The following CYB5B variants were observed in gnomAD, a reference collection of about 807,000 sequenced individuals.
CYB5B encodes the protein cytochrome b5 type B (outer mitochondrial membrane).
A neutral mutation model predicts 21.3 loss-of-function variants in CYB5B; 14 were observed. That is an observed-to-expected ratio of 0.66 (90% CI 0.43 to 1.03). The LOEUF (loss-of-function observed/expected upper bound fraction) is 1.03, where lower values mean the gene tolerates loss of function less well. CYB5B is among the 50% of genes least tolerant of loss of function. CYB5B has a pLI of 0.00. For synonymous variants in CYB5B, 69 were observed against 68.4 expected, an observed-to-expected ratio of 1.01 and a Z score of -0.04; for missense variants, 166 against 185.1, an observed-to-expected ratio of 0.90 and a Z score of 0.60.
chr16:69,446,729 G>A (rs936289376), intron 1 of CYB5B, among the ~76,000 whole-genome samples: 1 of 152,210 alleles, frequency 6.6e-6, no homozygotes, highest in African/African-American at 2.4e-5. Flanking sequence ...TCAGGTTTCT[G>A]CAGCTATCTC....
At chr16:69,449,832 T>C (rs919247304) in intron 3 of CYB5B, 3 of 152,242 alleles carry the variant, frequency 2.0e-5, no homozygotes, top group Non-Finnish European at 4.4e-5. Context: ...TCTTTTCATT[T>C]GAAAACTTAG....
chr16:69,449,434 C>T (rs989722493), intron 3 of CYB5B: 1 of 152,256 alleles, frequency 6.6e-6, no homozygotes, highest in Non-Finnish European at 1.5e-5. Context: ...AGGTCAACAT[C>T]TGATTCAAAG....
intron 1 of CYB5B, among the ~76,000 whole-genome samples, chr16:69,431,500 A>G (rs924404000): frequency 6.6e-5 from 10 of 151,842 alleles, no homozygotes; most frequent in African/African-American, 1.9e-4. Context: ...AGCTGGGTGC[A>G]GTGGCTCACG....
intron 1 of CYB5B, among the ~76,000 whole-genome samples, chr16:69,431,126 G>A (rs930191889): frequency 3.9e-5 from 6 of 152,036 alleles, no homozygotes; most frequent in Non-Finnish European, 5.9e-5. Flanking sequence ...AGCCTCTGGA[G>A]TAGCTGGCAC....
rs565853387 is a variant in CYB5B, at chr16:69,462,606, C to T, written c.*86C>T. On this transcript the variant is annotated 3_prime_UTR_variant, in exon 5 of 5. Transcript: ENST00000307892. ...GGGGGCTGCAGAAGTGCCCTCTCCT[C>T]GAATCCTGCCAGTTGCATTCTTCCC... 2.1e-5 allele frequency: 23 copies of T among 1,081,510 alleles called. No individual in the cohort carries two copies. In the South Asian group the frequency reaches 2.3e-4, roughly 11 times the overall value. The allele number at this position is 1,081,510 out of a possible 1,614,324, so 67.0% of individuals were successfully genotyped here. A position where few individuals can be genotyped will look rare whatever the true frequency, so the allele number is the denominator to read the frequency against.
At position 69,437,348 on chromosome 16, in the gene CYB5B, A is replaced by G. The variant is rs537322644; in HGVS notation, c.175-9802A>G. Among the ~76,000 whole-genome samples, 3 of 152,286 alleles carry G rather than the reference A, an allele frequency of 2.0e-5. No homozygotes were observed. The East Asian group carries it at 5.8e-4, about 29-fold the overall frequency. On this transcript the variant is annotated intron_variant, in intron 1 of 4. Transcript: ENST00000307892. ...GAAGAATGTTTTTTTGCAAATTCAC[A>G]AGAGGTTTAAATACAAAGCAAATCC...
intron 3 of CYB5B, among the ~76,000 whole-genome samples, chr16:69,458,063 T>C (rs945953079): frequency 2.0e-5 from 3 of 152,236 alleles, no homozygotes; most frequent in East Asian, 3.8e-4. Context: ...GCAGGCCTTT[T>C]GTACTATACA....
rs1619397 is a variant in CYB5B at position 69,424,876 on chromosome 16, G to A, written c.174+19G>A. The A allele has an allele frequency of 0.42, 640,137 of 1,539,708 alleles. 136,786 individuals carry two copies. Among genetic ancestry groups the A allele is most frequent in the Admixed American group, 0.5 (25,224 of 50,458 alleles). On this transcript the variant is annotated intron_variant, in intron 1 of 4. Coordinates refer to ENST00000307892, the MANE Select transcript of CYB5B (RefSeq NM_030579.3). ...CAACGAGGTGGGGCCTGGGAGGTGG[G>A]AGGCCTCTGAAGCTGCTGGGGCGAG...
intron 1 of CYB5B, among the ~76,000 whole-genome samples, chr16:69,430,203 G>A (rs897163988): frequency 5.3e-5 from 8 of 151,974 alleles, no homozygotes; most frequent in Non-Finnish European, 8.8e-5. Context: ...ACTTTGTTCA[G>A]TTATATATAA....
intron 1 of CYB5B, among the ~76,000 whole-genome samples, chr16:69,426,464 T>C (rs1446193269): frequency 6.6e-6 from 1 of 151,116 alleles, no homozygotes; most frequent in Admixed American, 6.6e-5. Flanking sequence ...CCCAGCACTT[T>C]GGGAGGCTGA....
chr16:69,430,973 C>T (rs920673456), intron 1 of CYB5B, among the ~76,000 whole-genome samples: 1 of 144,390 alleles, frequency 6.9e-6, no homozygotes, highest in African/African-American at 2.6e-5. Context: ...ATGCCCAGCC[C>T]TATTTTAAAG....
intron 1 of CYB5B, among the ~76,000 whole-genome samples, chr16:69,432,378 T>C (rs890142199): frequency 6.6e-6 from 1 of 152,220 alleles, no homozygotes; most frequent in African/African-American, 2.4e-5. Context: ...GTCAGCACTT[T>C]ATTGTAAGAT....
chr16:69,456,854 G>A (rs1218207204), intron 3 of CYB5B, among the ~76,000 whole-genome samples: 1 of 152,132 alleles, frequency 6.6e-6, no homozygotes, highest in Admixed American at 6.6e-5. Context: ...AAAAACAAGC[G>A]ATTTGGTTTA....
chr16:69,442,193 A>C (rs1567472394), intron 1 of CYB5B, among the ~76,000 whole-genome samples: 1 of 152,224 alleles, frequency 6.6e-6, no homozygotes, highest in Non-Finnish European at 1.5e-5. Flanking sequence ...TATAATAATT[A>C]GTTATAATTA....
intron 1 of CYB5B, among the ~76,000 whole-genome samples, chr16:69,435,024 A>G (rs2014745867): frequency 6.6e-6 from 1 of 152,034 alleles, no homozygotes; most frequent in Non-Finnish European, 1.5e-5. Flanking sequence ...CCCTTTGTAA[A>G]ATTGGGTTGT....
Position 69,424,967 on chromosome 16 carries a change from T to C in CYB5B, c.174+110T>C, listed in dbSNP as rs118154203. On this transcript the variant is annotated intron_variant, in intron 1 of 4. Coordinates refer to ENST00000307892, the MANE Select transcript of CYB5B (RefSeq NM_030579.3). Reference sequence around the variant, plus strand: ...AGGCTTGGCTGGGGGCGATAAGGCGTAAGAAAGGGATCACGACCCTCAGAG... The same window carrying C: ...AGGCTTGGCTGGGGGCGATAAGGCGCAAGAAAGGGATCACGACCCTCAGAG... 10,711 of 1,176,760 alleles carry C rather than the reference T, an allele frequency of 9.1e-3. 77 individuals carry two copies. Among genetic ancestry groups the C allele is most frequent in the Middle Eastern group, 0.013 (58 of 4,384 alleles). 72.9% of individuals were successfully genotyped at this position (1,176,760 alleles called of 1,614,324 possible).
chr16:69,445,313 T>G (rs1480174617), intron 1 of CYB5B, among the ~76,000 whole-genome samples: 1 of 152,230 alleles, frequency 6.6e-6, no homozygotes, highest in Non-Finnish European at 1.5e-5. Context: ...TACTGGGATG[T>G]GAGACCCACT....
At chr16:69,427,921 G>A (rs246139) in intron 1 of CYB5B, among the ~76,000 whole-genome samples, 54,559 of 151,062 alleles carry the variant, frequency 0.36, 10,727 homozygotes, top group Admixed American at 0.46. Context: ...GCTTGAACCC[G>A]GGAGGTGGAG....
At chr16:69,429,140 GT>G (rs1448356127) in intron 1 of CYB5B, among the ~76,000 whole-genome samples, 1 of 152,258 alleles carries the variant, frequency 6.6e-6, no homozygotes, top group African/African-American at 2.4e-5. Context: ...CTTCCGGTGG[GT>G]TTTTGGTCTC....
Sources: allele counts gnomAD v4.1 joint callset (sites outside exome capture counted in the v4.1 genomes callset), GRCh38; gene constraint gnomAD v4.1.1; transcripts MANE v1.5; gene names NCBI Gene and HGNC (gene_info 2026-07-23, HGNC 2026-07-21).